BSN: variants seen among roughly 807,000 people sequenced by gnomAD.
BSN encodes the protein protein bassoon.
A neutral mutation model predicts 264.8 loss-of-function variants in BSN; 57 were observed. The observed-to-expected ratio is 0.22, with a 90% confidence interval of 0.17 to 0.27. The LOEUF is 0.27. Ranked by LOEUF, BSN falls within the 10% of genes least tolerant of loss-of-function variation. The pLI is 1.00. For missense variants in BSN, 4,615 were observed against 5,232.5 expected (o/e 0.88, Z 3.64); for synonymous variants, 2,059 against 2,137.3 (o/e 0.96, Z 1.01).
chr3:49,584,492 A>AT (rs1446461575), intron 1 of BSN, among the ~76,000 whole-genome samples: 2 of 150,666 alleles, frequency 1.3e-5, no homozygotes, highest in Non-Finnish European at 3.0e-5. Flanking sequence ...TCTATTTTTC[A>AT]TTTTTTTGGG....
Position 49,650,486 on chromosome 3 carries a change from T to G in BSN, c.1519-126T>G, listed in dbSNP as rs536045075. The G allele has an allele frequency of 1.1e-5, 10 of 893,000 alleles. No homozygotes were observed. In the East Asian group the frequency reaches 2.6e-4, roughly 23 times the overall value. The allele number at this position is 893,000 out of a possible 1,614,324, so 55.3% of individuals were successfully genotyped here. On this transcript the variant is annotated intron_variant, in intron 3 of 11. Coordinates refer to ENST00000296452, the MANE Select transcript of BSN (RefSeq NM_003458.4). ...AAATTGGTCAGTCTTTTTCTCCTTA[T>G]GTCTTTGGTGTTATGCTTTGAAAGT...
chr3:49,610,755 C>T (rs2052200298), intron 1 of BSN, among the ~76,000 whole-genome samples: 1 of 152,092 alleles, frequency 6.6e-6, no homozygotes, highest in Non-Finnish European at 1.5e-5. Flanking sequence ...GGGTCCCAGG[C>T]AGGGTTTCCC....
At position 49,643,115 on chromosome 3, in the gene BSN, A is replaced by C. The variant is rs201532186; in HGVS notation, c.1481A>C (p.Asn494Thr). ...ACCACCTGCAGGCTCCAGGTGTGCA[A>C]CCTGTGTGGCTTCAACCCAACACCC... ...TCTTCRLQVC[N>T]LCGFNPTPHL... The change falls in exon 3 of 12, where the codon AAC becomes ACC. Residue 494 changes from asparagine (N) to threonine (T), a missense_variant. Coordinates refer to ENST00000296452, the MANE Select transcript of BSN (RefSeq NM_003458.4). 6.2e-7 allele frequency: 1 copy of C among 1,612,620 alleles called. No individual in the cohort carries two copies. The highest frequency in any genetic ancestry group is 2.2e-5 in the East Asian group (1 of 44,836).
At chr3:49,626,434 G>T (rs928659716) in intron 2 of BSN, among the ~76,000 whole-genome samples, 1 of 152,140 alleles carries the variant, frequency 6.6e-6, no homozygotes, top group African/African-American at 2.4e-5. Context: ...CGTGTGGTTT[G>T]TGAGAGGTAA....
Position 49,578,413 on chromosome 3 carries a change from T to G in BSN, c.224+23587T>G, listed in dbSNP as rs369636180. 6.7e-3 allele frequency among the ~76,000 whole-genome samples: 1,007 copies of G among 151,290 alleles called. 18 individuals are homozygous for G. The highest frequency in any genetic ancestry group is 0.023 in the African/African-American group (961 of 41,330). On this transcript the variant is annotated intron_variant, in intron 1 of 11. Transcript: ENST00000296452. ...GAGTTCTACAACCAAAGCTACAGTT[T>G]TTTTTTTTTTATAAGACGGAGTCTC... is the stretch of plus-strand genomic sequence containing the variant.
At chr3:49,604,715 T>A (rs1457657768) in intron 1 of BSN, among the ~76,000 whole-genome samples, 1 of 152,080 alleles carries the variant, frequency 6.6e-6, no homozygotes, top group Non-Finnish European at 1.5e-5. Context: ...GGGACATACA[T>A]TTGAGCACTG....
At chr3:49,571,518 C>T (rs1248215590) in intron 1 of BSN, among the ~76,000 whole-genome samples, 2 of 151,982 alleles carry the variant, frequency 1.3e-5, no homozygotes, top group Non-Finnish European at 2.9e-5. Flanking sequence ...GGCTCCAGGG[C>T]CAGAAGAGCC....
chr3:49,555,761 A>G (rs2051663406), intron 1 of BSN, among the ~76,000 whole-genome samples: 1 of 152,212 alleles, frequency 6.6e-6, no homozygotes, highest in Admixed American at 6.5e-5. Context: ...TGCACCAAAT[A>G]GGCTTGGGGA....
chr3:49,641,759 A>C (rs980944437), intron 2 of BSN: 10 of 152,500 alleles, frequency 6.6e-5, no homozygotes, highest in African/African-American at 2.4e-4. Context: ...TCTCCCACGT[A>C]TTACTCTTCA....
chr3:49,663,830 C>T lies in BSN; in HGVS notation c.11552C>T (p.Ala3851Val). The T allele has an allele frequency of 1.9e-6, 3 of 1,614,136 alleles. No individual in the cohort carries two copies. The highest frequency in any genetic ancestry group is 1.3e-5 in the African/African-American group (1 of 75,056). Residue 3851 changes from alanine to valine, a missense_variant, in exon 8 of 12, where the codon GCA becomes GTA. Physicochemically the swap from Ala to Val is moderately conservative, Grantham distance 64. This residue lies in a region of BSN where 3,415 missense variants were observed against 3,866.4 expected (regional missense o/e 0.88). Coordinates refer to ENST00000296452, the MANE Select transcript of BSN (RefSeq NM_003458.4). ...AATGGCTCTAAAGGGACAGCCAAAG[C>T]ACCGCAACAGGGGAGGGCTCCTCAG... Reference protein sequence around the residue: ...QTNGSKGTAKAPQQGRAPQAQ... With the variant: ...QTNGSKGTAKVPQQGRAPQAQ...
intron 1 of BSN, among the ~76,000 whole-genome samples, chr3:49,589,450 C>T (rs1274733096): frequency 6.6e-6 from 1 of 151,608 alleles, no homozygotes; most frequent in Non-Finnish European, 1.5e-5. Flanking sequence ...AATGTTATAT[C>T]TTTCTAATGG....
chr3:49,568,558 A>G (rs945217008), intron 1 of BSN, among the ~76,000 whole-genome samples: 2 of 152,212 alleles, frequency 1.3e-5, no homozygotes, highest in African/African-American at 4.8e-5. Context: ...AAAAGGTAGC[A>G]GACTCTAAGT....
chr3:49,661,016 G>A lies in BSN; in HGVS notation c.9171G>A (p.Gln3057=). ...GPTAFQQPRF[Q]PPAPQYSAGS... ...CTGCCTTCCAGCAGCCCCGCTTCCA[G>A]CCTCCAGCCCCACAGTATTCTGCAG... Residue 3057 remains glutamine, a synonymous_variant, in exon 6 of 12, where the codon CAG becomes CAA. Transcript: ENST00000296452. The A allele has an allele frequency of 6.2e-7, 1 of 1,611,022 alleles. No individual in the cohort carries two copies. The highest frequency in any genetic ancestry group is 1.1e-5 in the South Asian group (1 of 91,074).
In BSN at chr3:49,660,654, A is replaced by G; in HGVS notation, c.8809A>G (p.Lys2937Glu). ...LTGPTTVPAT[K>E]ASLLRELDRD... ...GGGGCCCACCACTGTCCCTGCTACCAAGGCCAGCCTGCTCCGGGAGCTGGA... is the reference window on the plus strand; with the variant it reads ...GGGGCCCACCACTGTCCCTGCTACCGAGGCCAGCCTGCTCCGGGAGCTGGA... The change falls in exon 6 of 12, where the codon AAG (lysine) becomes GAG (glutamate). Residue 2937 changes from lysine (K) to glutamate (E), a missense_variant. Lys to Glu is a moderately conservative substitution (Grantham distance 56). This residue lies in a region of BSN where 3,415 missense variants were observed against 3,866.4 expected (regional missense o/e 0.88). Coordinates refer to ENST00000296452, the MANE Select transcript of BSN (RefSeq NM_003458.4). The surrounding 1 kb of genome is among the most constrained non-coding windows in gnomAD (Gnocchi z 7.1). 6.2e-7 allele frequency: 1 copy of G among 1,613,084 alleles called. No individual in the cohort carries two copies. The highest frequency in any genetic ancestry group is 8.5e-7 in the Non-Finnish European group (1 of 1,179,938).
chr3:49,652,591 G>T lies in BSN; in HGVS notation c.3035G>T (p.Arg1012Leu), dbSNP rs368815355. Residue 1012 changes from arginine to leucine, a missense_variant, in exon 5 of 12, where the codon CGC becomes CTC. Transcript: ENST00000296452. Reference sequence around the variant, plus strand: ...GAGGACAGTGACAGCAGCCCCAGCCGCAGGCAGCGTCTAGAAGAAGCAAAG... The same window carrying T: ...GAGGACAGTGACAGCAGCCCCAGCCTCAGGCAGCGTCTAGAAGAAGCAAAG... ...LEEDSDSSPS[R>L]RQRLEEAKQQ... The T allele has an allele frequency of 1.2e-6, 2 of 1,613,422 alleles. No homozygotes were observed. Among genetic ancestry groups the T allele is most frequent in the African/African-American group, 1.3e-5 (1 of 75,058 alleles).
intron 1 of BSN, among the ~76,000 whole-genome samples, chr3:49,596,103 C>T (rs1250435921): frequency 1.3e-5 from 2 of 152,072 alleles, no homozygotes; most frequent in Non-Finnish European, 2.9e-5. Context: ...CAGTTTTTCA[C>T]CATTAAGTAT....
rs1438758589 is a variant in BSN at position 49,650,801 on chromosome 3, G to A, written c.1708G>A (p.Ala570Thr). 6 of 1,613,794 alleles carry A rather than the reference G, an allele frequency of 3.7e-6. No homozygotes were observed. Among genetic ancestry groups the A allele is most frequent in the Non-Finnish European group, 5.1e-6 (6 of 1,179,950 alleles). Residue 570 changes from alanine to threonine, a missense_variant, in exon 4 of 12, where the codon GCC becomes ACC. Transcript: ENST00000296452. The stretch of plus-strand genomic sequence containing the variant: ...GGGCCAGCCTTCAGGCCCCCTGCCT[G>A]CCAAGGCCAGCCCTCTATCCACCAA... ...GLGQPSGPLP[A>T]KASPLSTKAS...
intron 1 of BSN, among the ~76,000 whole-genome samples, chr3:49,622,201 G>A (rs2052312174): frequency 6.6e-6 from 1 of 152,054 alleles, no homozygotes; most frequent in South Asian, 2.1e-4. Flanking sequence ...TTGTGAGATG[G>A]TCAGCAGGTC....
At position 49,660,641 on chromosome 3, in the gene BSN, T is replaced by G. The variant is rs1288512363; in HGVS notation, c.8796T>G (p.Thr2932=). The G allele has an allele frequency of 6.2e-7, 1 of 1,613,092 alleles. No homozygotes were observed. The highest frequency in any genetic ancestry group is 1.7e-5 in the Admixed American group (1 of 60,006). The change falls in exon 6 of 12, where the codon ACT becomes ACG. Residue 2932 remains threonine, a synonymous_variant. Transcript: ENST00000296452. This position sits in a 1 kb window ranked among gnomAD's most constrained non-coding sequence, Gnocchi z 7.1. ...LLQRGLTGPT[T]VPATKASLLR... is the part of the protein sequence containing the mutation. The stretch of plus-strand genomic sequence containing the variant: ...AGCGAGGGCTGACGGGGCCCACCAC[T>G]GTCCCTGCTACCAAGGCCAGCCTGC...
Sources: gnomAD v4.1 joint callset for allele counts (sites outside exome capture counted in the v4.1 genomes callset) on GRCh38, gnomAD v4.1.1 for gene constraint, gnomAD v4.1.1 regional missense constraint, Gnocchi (gnomAD v3.1) non-coding constraint, MANE v1.5 for transcripts, NCBI Gene and HGNC (gene_info 2026-07-23, HGNC 2026-07-21) for gene names.